USO1: variants seen among roughly 807,000 people sequenced by gnomAD.
USO1 encodes general vesicular transport factor p115.
In USO1, 57 loss-of-function variants were observed where a neutral mutation model predicts 124.5. The ratio of observed to expected loss-of-function variants is 0.46; its 90% CI spans 0.37 to 0.57. The LOEUF (loss-of-function observed/expected upper bound fraction) is 0.57, where lower values mean the gene tolerates loss of function less well. Ranked by LOEUF, USO1 falls within the 20% of genes least tolerant of loss-of-function variation. The probability of loss-of-function intolerance (pLI) is 0.00; values close to 1 mark genes in which losing one functional copy is unlikely to be tolerated. For synonymous variants in USO1, 369 were observed against 362.8 expected (o/e 1.02, Z -0.19); for missense variants, 900 against 1,040.6 (o/e 0.86, Z 1.86).
At chr4:75,790,833 T>C (rs1459676046) in intron 12 of USO1, 36 bp downstream of exon 12, 2 of 1,512,580 alleles carry the variant, frequency 1.3e-6, no homozygotes, top group Admixed American at 2.4e-5. Context: ...TTTGAAAAAG[T>C]AAATCATTGT....
chr4:75,750,325 C>G (rs942152612), intron 1 of USO1, among the ~76,000 whole-genome samples: 5 of 151,876 alleles, frequency 3.3e-5, no homozygotes, highest in Non-Finnish European at 5.9e-5. Flanking sequence ...GTGGGCCCAG[C>G]TACTCGAGAG....
chr4:75,742,014 A>G (rs1027526075), intron 1 of USO1, among the ~76,000 whole-genome samples: 12 of 152,184 alleles, frequency 7.9e-5, no homozygotes, highest in Non-Finnish European at 1.5e-4. Context: ...CTTCAGGGGC[A>G]GTAACATGCA....
chr4:75,790,053 A>AC, intron 10 of USO1, 97 bp from the exon 11 acceptor site: 1 of 1,332,036 alleles, frequency 7.5e-7, no homozygotes, highest in African/African-American at 1.5e-5. Context: ...ATAATAAAAA[A>AC]AAAAACAAAA....
intron 17 of USO1, among the ~76,000 whole-genome samples, chr4:75,802,723 TTC>T (rs1017281411): frequency 6.7e-6 from 1 of 149,238 alleles, no homozygotes; most frequent in Non-Finnish European, 1.5e-5. Context: ...CTTTCCATTT[TTC>T]TTTTTCTTTT....
Position 75,813,446 on chromosome 4 carries a change from C to T in USO1, c.*151C>T, listed in dbSNP as rs897243495. ...TTGATATATTTTTGTAATGTTGCCA[C>T]CCATGTTGAAAACCTTAAAACTGAA... On this transcript the variant is annotated 3_prime_UTR_variant, in exon 24 of 24. Coordinates refer to ENST00000514213, the MANE Select transcript of USO1 (RefSeq NM_003715.4). 4.9e-6 allele frequency: 4 copies of T among 814,510 alleles called. No homozygotes were observed. In the African/African-American group the frequency reaches 5.4e-5, roughly 11 times the overall value. 50.5% of individuals were successfully genotyped at this position (814,510 alleles called of 1,614,324 possible). A position where few individuals can be genotyped will look rare whatever the true frequency, so the allele number is the denominator to read the frequency against.
intron 1 of USO1, among the ~76,000 whole-genome samples, chr4:75,749,134 T>C (rs1432375538): frequency 2.6e-5 from 4 of 152,118 alleles, no homozygotes; most frequent in Non-Finnish European, 4.4e-5. Flanking sequence ...TATGAAGAAA[T>C]GCAAATCAGC....
At chr4:75,749,771 G>A (rs1314423723) in intron 1 of USO1, among the ~76,000 whole-genome samples, 18 of 144,576 alleles carry the variant, frequency 1.2e-4, no homozygotes, top group South Asian at 2.2e-4. Context: ...TTTTTCTCCC[G>A]AGACGGAGTC....
intron 4 of USO1, among the ~76,000 whole-genome samples, chr4:75,765,570 T>C (rs1721747261): frequency 6.6e-6 from 1 of 151,926 alleles, no homozygotes; most frequent in African/African-American, 2.4e-5. Flanking sequence ...TCCTTTTCCA[T>C]CATCCTGTCA....
At chr4:75,757,377 ATTTTC>A in intron 3 of USO1, 115 bp from the exon 4 acceptor site, 1 of 901,790 alleles carries the variant, frequency 1.1e-6, no homozygotes, top group Non-Finnish European at 1.5e-6. Flanking sequence ...GCACTCTGAT[ATTTTC>A]TTAGAGTATG....
At chr4:75,787,290 C>T in intron 10 of USO1, 88 bp downstream of exon 10, 1 of 1,344,170 alleles carries the variant, frequency 7.4e-7, no homozygotes, top group Non-Finnish European at 9.6e-7. Context: ...GGAAAAACTA[C>T]AATAGTTAAC....
Position 75,745,381 on chromosome 4 carries a change from G to T in USO1, c.67-6992G>T, listed in dbSNP as rs1041423550. The T allele has an allele frequency of 1.2e-5, 6 of 518,070 alleles. No homozygotes were observed. In the African/African-American group the frequency reaches 1.2e-4, roughly 10 times the overall value. The allele number at this position is 518,070 out of a possible 1,614,324, so 32.1% of individuals were successfully genotyped here. A position where few individuals can be genotyped will look rare whatever the true frequency, so the allele number is the denominator to read the frequency against. ...GTTGTGCAAGTGGAGCTATTCACAG[G>T]GACTGTATTACTATGTTCCTTTGTT... On this transcript the variant is annotated intron_variant, in intron 1 of 23. Transcript: ENST00000514213.
intron 10 of USO1, among the ~76,000 whole-genome samples, chr4:75,787,791 A>G (rs1722405175): frequency 1.3e-5 from 2 of 152,158 alleles, no homozygotes; most frequent in Admixed American, 6.5e-5. Flanking sequence ...ATTTTATGGA[A>G]TTTATATTTA....
At chr4:75,766,981 G>A (rs936905722) in intron 4 of USO1, among the ~76,000 whole-genome samples, 1 of 152,194 alleles carries the variant, frequency 6.6e-6, no homozygotes, top group Non-Finnish European at 1.5e-5. Context: ...TTGAAGTTCA[G>A]AGGGGATTCT....
intron 4 of USO1, among the ~76,000 whole-genome samples, chr4:75,761,910 C>G (rs532131527): frequency 6.6e-6 from 1 of 152,276 alleles, no homozygotes; most frequent in South Asian, 2.1e-4. Flanking sequence ...TGTTTGACAT[C>G]AGATGATACC....
At chr4:75,758,149 G>C (rs1013874691) in intron 4 of USO1, among the ~76,000 whole-genome samples, 2 of 151,816 alleles carry the variant, frequency 1.3e-5, no homozygotes, top group Non-Finnish European at 2.9e-5. Flanking sequence ...AAAGTTATCT[G>C]TCTTATTTAT....
chr4:75,759,563 C>T (rs1243545713), intron 4 of USO1, among the ~76,000 whole-genome samples: 1 of 147,932 alleles, frequency 6.8e-6, no homozygotes, highest in African/African-American at 2.5e-5. Flanking sequence ...CATTGCACTT[C>T]AGCCTGGGCA....
At chr4:75,792,924 A>C (rs542799170) in intron 12 of USO1, among the ~76,000 whole-genome samples, 2 of 152,072 alleles carry the variant, frequency 1.3e-5, no homozygotes, top group Non-Finnish European at 2.9e-5. Flanking sequence ...AGGCAAATAA[A>C]TTTTACCTTC....
At chr4:75,772,004 C>G (rs562754285) in intron 7 of USO1, among the ~76,000 whole-genome samples, 2 of 152,218 alleles carry the variant, frequency 1.3e-5, no homozygotes, top group Non-Finnish European at 2.9e-5. Flanking sequence ...TCTTACTCAT[C>G]TTTTTATTTA....
Position 75,804,235 on chromosome 4 carries a change from G to A in USO1, c.2088G>A (p.Gln696=), listed in dbSNP as rs562714031. 5 of 1,613,424 alleles carry A rather than the reference G, an allele frequency of 3.1e-6. No homozygotes were observed. The highest frequency in any genetic ancestry group is 4.2e-6 in the Non-Finnish European group (5 of 1,179,650). ...AVTQQVSQIQ[Q]HKDQYNLLKI... is the part of the protein sequence containing the mutation. ...CACAGCAAGTATCACAGATCCAGCA[G>A]CACAAAGACCAGTATAATCTTCTTA... Residue 696 remains glutamine, a synonymous_variant, in exon 18 of 24, where the codon CAG becomes CAA. Transcript: ENST00000514213.
Sources: allele counts gnomAD v4.1 joint callset (sites outside exome capture counted in the v4.1 genomes callset), GRCh38; gene constraint gnomAD v4.1.1; transcripts MANE v1.5; gene names NCBI Gene and HGNC (gene_info 2026-07-23, HGNC 2026-07-21).